OR8D1: variants seen among roughly 807,000 people sequenced by gnomAD.
The protein encoded by OR8D1 is olfactory receptor family 8 subfamily D member 1.
For synonymous variants in OR8D1, 143 were observed against 147.0 expected (o/e 0.97, Z 0.20); for missense variants, 384 against 366.8 (o/e 1.05, Z -0.38).
chr11:124,309,868 G>C lies in OR8D1; in HGVS notation c.899C>G (p.Ala300Gly). The stretch of plus-strand genomic sequence containing the variant: ...TTTTCCTACTAAGACCTTCCTTAAT[G>C]CTTTCTTCACATCCTTATTCCTCAG... ...YSLRNKDVKK[A>G]LRKVLVGK Residue 300 changes from alanine (A) to glycine (G), a missense_variant, in exon 3 of 3, where the codon GCA (alanine) becomes GGA (glycine). Coordinates refer to ENST00000641015, the MANE Select transcript of OR8D1 (RefSeq NM_001002917.2). 1 of 1,474,620 alleles carries C rather than the reference G, an allele frequency of 6.8e-7. No homozygotes were observed. 91.3% of individuals were successfully genotyped at this position (1,474,620 alleles called of 1,614,324 possible).
At chr11:124,312,518 C>CTTTTT (rs201492454) in intron 1 of OR8D1, among the ~76,000 whole-genome samples, 3 of 132,756 alleles carry the variant, frequency 2.3e-5, no homozygotes, top group African/African-American at 8.5e-5. Context: ...TTCTTTCTTT[C>CTTTTT]TTTTTTTTTT....
rs1394419692 is a variant in OR8D1, at chr11:124,307,423, G to C, written c.*2417C>G. ...GTTTACAAATAAGTGAATAACTTTA[G>C]AAGAGCACAGATTCATTCCCCTGGA... On this transcript the variant is annotated 3_prime_UTR_variant, in exon 3 of 3. Coordinates refer to ENST00000641015, the MANE Select transcript of OR8D1 (RefSeq NM_001002917.2). 6.6e-6 allele frequency: 1 copy of C among 152,136 alleles called. No individual in the cohort carries two copies. Among genetic ancestry groups the C allele is most frequent in the African/African-American group, 2.4e-5 (1 of 41,436 alleles). 9.4% of individuals were successfully genotyped at this position (152,136 alleles called of 1,614,324 possible).
chr11:124,311,381 G>A (rs1371480680), intron 2 of OR8D1, among the ~76,000 whole-genome samples, 191 bp downstream of exon 2: 2 of 152,126 alleles, frequency 1.3e-5, no homozygotes, highest in Non-Finnish European at 2.9e-5. Context: ...CTGGAGAAGG[G>A]TGGGGGAGGC....
At position 124,310,558 on chromosome 11, in the gene OR8D1, T is replaced by C. The variant is rs1279320093; in HGVS notation, c.209A>G (p.Asp70Gly). ...AGTAATGACAGAGGAATAGCAGAAA[T>C]CGACGAAGGACAAGCTGCTGAGGAA... is the stretch of plus-strand genomic sequence containing the variant. ...YYFLSSLSFV[D>G]FCYSSVITPK... The change falls in exon 3 of 3, where the codon GAT becomes GGT. Residue 70 changes from aspartate (D) to glycine (G), a missense_variant. Coordinates refer to ENST00000641015, the MANE Select transcript of OR8D1 (RefSeq NM_001002917.2). The C allele has an allele frequency of 2.0e-5, 32 of 1,613,602 alleles. No homozygotes were observed. Among genetic ancestry groups the C allele is most frequent in the Non-Finnish European group, 2.6e-5 (31 of 1,179,880 alleles).
chr11:124,305,753 C>T lies in OR8D1; in HGVS notation c.*4087G>A, dbSNP rs1308044071. On this transcript the variant is annotated 3_prime_UTR_variant, in exon 3 of 3. Coordinates refer to ENST00000641015, the MANE Select transcript of OR8D1 (RefSeq NM_001002917.2). ...GTAGAAGATAAAGCCCTTTGAATCC[C>T]CTGTATTCAACACAGACACACAAAA... is the stretch of plus-strand genomic sequence containing the variant. 4.0e-5 allele frequency: 6 copies of T among 151,730 alleles called. No individual in the cohort carries two copies. The highest frequency in any genetic ancestry group is 1.3e-4 in the Admixed American group (2 of 15,188). The allele number at this position is 151,730 out of a possible 1,614,324, so 9.4% of individuals were successfully genotyped here. A position where few individuals can be genotyped will look rare whatever the true frequency, so the allele number is the denominator to read the frequency against.
Position 124,304,477 on chromosome 11 carries a change from A to G in OR8D1, c.*5363T>C, listed in dbSNP as rs1378259673. 1 of 151,924 alleles carries G rather than the reference A, an allele frequency of 6.6e-6. No individual in the cohort carries two copies. Among genetic ancestry groups the G allele is most frequent in the African/African-American group, 2.4e-5 (1 of 41,428 alleles). The allele number at this position is 151,924 out of a possible 1,614,324, so 9.4% of individuals were successfully genotyped here. On this transcript the variant is annotated 3_prime_UTR_variant, in exon 3 of 3. Coordinates refer to ENST00000641015, the MANE Select transcript of OR8D1 (RefSeq NM_001002917.2). ...TTTCTTGATTTTTTTGCTATTATGA[A>G]TAAAGATTTAATAGACATTCTAGTA...
chr11:124,305,827 C>T lies in OR8D1; in HGVS notation c.*4013G>A, dbSNP rs1419361593. ...CATTATCCTCATTTATTTTATGCTA[C>T]ACACTTCTTTCAATATGAAAAGAAA... On this transcript the variant is annotated 3_prime_UTR_variant, in exon 3 of 3. Transcript: ENST00000641015. 1 of 151,842 alleles carries T rather than the reference C, an allele frequency of 6.6e-6. No individual in the cohort carries two copies. Among genetic ancestry groups the T allele is most frequent in the Non-Finnish European group, 1.5e-5 (1 of 67,860 alleles). 9.4% of individuals were successfully genotyped at this position (151,842 alleles called of 1,614,324 possible).
At position 124,304,789 on chromosome 11, in the gene OR8D1, A is replaced by T. The variant is rs974826935; in HGVS notation, c.*5051T>A. ...TGTAGGAATTATTTATAAAAGTTGG[A>T]TATAAGTCATTTGTTGGACACATTT... On this transcript the variant is annotated 3_prime_UTR_variant, in exon 3 of 3. Transcript: ENST00000641015. 1 of 151,814 alleles carries T rather than the reference A, an allele frequency of 6.6e-6. No homozygotes were observed. The highest frequency in any genetic ancestry group is 1.9e-4 in the East Asian group (1 of 5,176). 9.4% of individuals were successfully genotyped at this position (151,814 alleles called of 1,614,324 possible). A position where few individuals can be genotyped will look rare whatever the true frequency, so the allele number is the denominator to read the frequency against.
At chr11:124,313,355 G>T (rs889884218) in intron 1 of OR8D1, among the ~76,000 whole-genome samples, 1 of 151,720 alleles carries the variant, frequency 6.6e-6, no homozygotes. Flanking sequence ...GAAAGAAAAA[G>T]AAAAAAAGAA....
At chr11:124,312,481 C>A (rs960928172) in intron 1 of OR8D1, among the ~76,000 whole-genome samples, 2 of 151,354 alleles carry the variant, frequency 1.3e-5, no homozygotes, top group Non-Finnish European at 2.9e-5. Context: ...CTTGATCCAT[C>A]TCCTAGTGAC....
chr11:124,311,491 A>C (rs927933691), intron 2 of OR8D1, 81 bp downstream of exon 2: 1 of 152,368 alleles, frequency 6.6e-6, no homozygotes, highest in Non-Finnish European at 1.5e-5. Flanking sequence ...AACTATTGCC[A>C]GAAGAGTTGG....
rs1165340882 is a variant in OR8D1, at chr11:124,306,115, C to T, written c.*3725G>A. The T allele has an allele frequency of 6.6e-6, 1 of 151,664 alleles. No homozygotes were observed. The highest frequency in any genetic ancestry group is 1.5e-5 in the Non-Finnish European group (1 of 67,824). 9.4% of individuals were successfully genotyped at this position (151,664 alleles called of 1,614,324 possible). A position where few individuals can be genotyped will look rare whatever the true frequency, so the allele number is the denominator to read the frequency against. On this transcript the variant is annotated 3_prime_UTR_variant, in exon 3 of 3. Coordinates refer to ENST00000641015, the MANE Select transcript of OR8D1 (RefSeq NM_001002917.2). ...TATAGCTCTGCCTTTGACAATGTCA[C>T]TTTTATTTCTTAAGTATGCATGCCT...
rs1364828193 is a variant in OR8D1 at position 124,305,533 on chromosome 11, G to T, written c.*4307C>A. On this transcript the variant is annotated 3_prime_UTR_variant, in exon 3 of 3. Coordinates refer to ENST00000641015, the MANE Select transcript of OR8D1 (RefSeq NM_001002917.2). ...AATATAGTGGGTACTTCTTGAAGAT[G>T]GGTATTGACTCGGGAAAAGCAAAAG... is the stretch of plus-strand genomic sequence containing the variant. The T allele has an allele frequency of 6.6e-6, 1 of 151,718 alleles. No individual in the cohort carries two copies. Among genetic ancestry groups the T allele is most frequent in the Non-Finnish European group, 1.5e-5 (1 of 67,810 alleles). 9.4% of individuals were successfully genotyped at this position (151,718 alleles called of 1,614,324 possible).
chr11:124,311,680 G>A lies in OR8D1; in HGVS notation c.-121-4C>T, dbSNP rs1332228666. ...GGTACCCTTGGTGGTTTGGGCCCTGGATACAAAGAAATAAAAGAGAATGCT... is the reference window on the plus strand; with the variant it reads ...GGTACCCTTGGTGGTTTGGGCCCTGAATACAAAGAAATAAAAGAGAATGCT... On this transcript the variant is annotated splice_polypyrimidine_tract_variant and splice_region_variant and intron_variant, in intron 1 of 2. Transcript: ENST00000641015. The A allele has an allele frequency of 6.6e-6, 1 of 152,120 alleles. No individual in the cohort carries two copies. Among genetic ancestry groups the A allele is most frequent in the East Asian group, 1.9e-4 (1 of 5,186 alleles). 9.4% of individuals were successfully genotyped at this position (152,120 alleles called of 1,614,324 possible). A position where few individuals can be genotyped will look rare whatever the true frequency, so the allele number is the denominator to read the frequency against.
chr11:124,306,181 G>C lies in OR8D1; in HGVS notation c.*3659C>G, dbSNP rs954273557. 2.0e-5 allele frequency: 3 copies of C among 151,228 alleles called. No individual in the cohort carries two copies. Among genetic ancestry groups the C allele is most frequent in the Non-Finnish European group, 4.4e-5 (3 of 67,718 alleles). 9.4% of individuals were successfully genotyped at this position (151,228 alleles called of 1,614,324 possible). On this transcript the variant is annotated 3_prime_UTR_variant, in exon 3 of 3. Transcript: ENST00000641015. ...TGGTAAAATTGTGTGGAATTATTTGGCGTATATTATTTGATATATATTATC... is the reference window on the plus strand; with the variant it reads ...TGGTAAAATTGTGTGGAATTATTTGCCGTATATTATTTGATATATATTATC...
rs959596747 is a variant in OR8D1, at chr11:124,310,821, C to A, written c.-16-39G>T. 3.6e-6 allele frequency: 5 copies of A among 1,370,568 alleles called. No individual in the cohort carries two copies. In the Admixed American group the frequency reaches 7.9e-5, roughly 22 times the overall value. 84.9% of individuals were successfully genotyped at this position (1,370,568 alleles called of 1,614,324 possible). A position where few individuals can be genotyped will look rare whatever the true frequency, so the allele number is the denominator to read the frequency against. Reference sequence around the variant, plus strand: ...AAGTATGAATTACCTTAACATGGACCCTCACTGCTCTTCCAAACAAAACCA... The same window carrying A: ...AAGTATGAATTACCTTAACATGGACACTCACTGCTCTTCCAAACAAAACCA... On this transcript the variant is annotated intron_variant, in intron 2 of 2. Transcript: ENST00000641015.
intron 1 of OR8D1, among the ~76,000 whole-genome samples, chr11:124,312,782 T>G (rs1179806276): frequency 2.0e-5 from 3 of 151,808 alleles, no homozygotes; most frequent in Non-Finnish European, 2.9e-5. Context: ...CCTCCCAAAG[T>G]GCTGGGAGAA....
intron 1 of OR8D1, among the ~76,000 whole-genome samples, 154 bp downstream of exon 1, chr11:124,313,567 G>A (rs1862441900): frequency 1.3e-5 from 2 of 152,162 alleles, no homozygotes; most frequent in South Asian, 4.1e-4. Context: ...CAATAGAAGA[G>A]GAGAAGGGAG....
intron 1 of OR8D1, among the ~76,000 whole-genome samples, chr11:124,313,191 AG>A (rs765901261): frequency 7.9e-4 from 115 of 145,956 alleles, no homozygotes; most frequent in Admixed American, 1.7e-3. Context: ...AAGAAAAAGA[AG>A]GAAGGAAAGA....
Sources: allele counts gnomAD v4.1 joint callset (sites outside exome capture counted in the v4.1 genomes callset), GRCh38; gene constraint gnomAD v4.1.1; transcripts MANE v1.5; gene names NCBI Gene and HGNC (gene_info 2026-07-23, HGNC 2026-07-21).